The following G2E3 variants were observed in gnomAD, a reference collection of about 807,000 sequenced individuals.
G2E3 encodes G2/M phase-specific E3 ubiquitin-protein ligase.
In G2E3, 35 loss-of-function variants were observed where a neutral mutation model predicts 92.8. The ratio of observed to expected loss-of-function variants is 0.38; its 90% CI spans 0.29 to 0.50. The LOEUF is 0.50. G2E3 is among the 20% of genes least tolerant of loss of function. The pLI is 0.94. For synonymous variants in G2E3, 242 were observed against 272.4 expected (o/e 0.89, Z 1.10); for missense variants, 554 against 823.8 (o/e 0.67, Z 4.01).
intron 1 of G2E3, among the ~76,000 whole-genome samples, chr14:30,575,593 T>C (rs780750823): frequency 4.6e-5 from 7 of 152,176 alleles, no homozygotes; most frequent in Non-Finnish European, 7.4e-5. Context: ...TCTTTGCAGA[T>C]TACATGATTC....
chr14:30,560,538 A>T, intron 1 of G2E3: 1 of 455,716 alleles, frequency 2.2e-6, no homozygotes, highest in East Asian at 3.4e-5. Context: ...TTTTTCATAT[A>T]GTGTCTTTGT....
intron 7 of G2E3, among the ~76,000 whole-genome samples, 161 bp downstream of exon 7, chr14:30,597,687 G>A (rs879938244): frequency 6.6e-6 from 1 of 152,190 alleles, no homozygotes; most frequent in Admixed American, 6.5e-5. Flanking sequence ...GCCAGTTCTT[G>A]GAAAGCAGGG....
chr14:30,585,189 T>G (rs936727733), intron 2 of G2E3, among the ~76,000 whole-genome samples: 1 of 152,116 alleles, frequency 6.6e-6, no homozygotes, highest in African/African-American at 2.4e-5. Flanking sequence ...CAATTATCAT[T>G]TTTTTCTTTT....
chr14:30,562,679 C>T (rs983691899), intron 1 of G2E3, among the ~76,000 whole-genome samples: 9 of 152,050 alleles, frequency 5.9e-5, no homozygotes, highest in Non-Finnish European at 8.8e-5. Context: ...CAGGCCCACC[C>T]GCAGTTACCT....
At chr14:30,606,601 G>A (rs535942524) in intron 11 of G2E3, among the ~76,000 whole-genome samples, 5 of 152,188 alleles carry the variant, frequency 3.3e-5, no homozygotes, top group Admixed American at 6.5e-5. Flanking sequence ...TGGAGAGTAC[G>A]TGAATTTAAA....
chr14:30,577,391 A>G (rs1880176092), intron 1 of G2E3, among the ~76,000 whole-genome samples: 1 of 152,156 alleles, frequency 6.6e-6, no homozygotes, highest in African/African-American at 2.4e-5. Context: ...CTGGTTTTAA[A>G]CAATAAACAT....
chr14:30,614,968 CTT>C (rs1218041885), intron 13 of G2E3, among the ~76,000 whole-genome samples: 1 of 152,042 alleles, frequency 6.6e-6, no homozygotes, highest in Admixed American at 6.5e-5. Context: ...ATTTATCACT[CTT>C]GGTAATATCT....
intron 2 of G2E3, among the ~76,000 whole-genome samples, chr14:30,584,620 G>C (rs1404601947): frequency 6.6e-6 from 1 of 152,050 alleles, no homozygotes; most frequent in Non-Finnish European, 1.5e-5. Context: ...ACATTTCTCT[G>C]TTGACTGCTG....
At chr14:30,581,418 G>A (rs988434262) in intron 2 of G2E3, among the ~76,000 whole-genome samples, 3 of 152,122 alleles carry the variant, frequency 2.0e-5, no homozygotes, top group African/African-American at 7.2e-5. Flanking sequence ...ACAGGAAAAG[G>A]AAAACTGGCC....
rs1221839076 is a variant in G2E3 at position 30,563,088 on chromosome 14, ATC to A, written c.-5+3821_-5+3822del. On this transcript the variant is annotated intron_variant, in intron 1 of 14. Coordinates refer to ENST00000206595, the MANE Select transcript of G2E3 (RefSeq NM_017769.5). ...TTTGTCTTGTGTCTTTATTTCTACAATCTCTCGTCTCCGCACACGGGGAGAAA... is the reference window on the plus strand; with the variant it reads ...TTTGTCTTGTGTCTTTATTTCTACAATCTCGTCTCCGCACACGGGGAGAAA... 4.1e-5 allele frequency among the ~76,000 whole-genome samples: 6 copies of A among 147,716 alleles called. No homozygotes were observed. The East Asian group carries it at 1.2e-3, about 29-fold the overall frequency.
chr14:30,577,980 C>G (rs558893207), intron 1 of G2E3: 1 of 152,172 alleles, frequency 6.6e-6, no homozygotes, highest in East Asian at 1.9e-4. Context: ...TGTTATTGAA[C>G]TATACACTTA....
Position 30,612,265 on chromosome 14 carries a change from A to G in G2E3, c.1559A>G (p.Tyr520Cys). ...TCAATAATAAATGAATGCTATAACT[A>G]CCTTGAGTTAATTGGATGTCTCAGA... ...LKSIINECYNYLELIGCLRLI... is the reference protein window; with the variant it reads ...LKSIINECYNCLELIGCLRLI... The change falls in exon 13 of 15, where the codon TAC (tyrosine) becomes TGC (cysteine). Residue 520 changes from tyrosine (Y) to cysteine (C), a missense_variant. Tyr to Cys is a radical substitution (Grantham distance 194). Around this residue, in one of 3 missense-constraint regions of G2E3, gnomAD observed 397 missense variants for 560.3 expected, o/e 0.71. Coordinates refer to ENST00000206595, the MANE Select transcript of G2E3 (RefSeq NM_017769.5). 4 of 1,607,316 alleles carry G rather than the reference A, an allele frequency of 2.5e-6. No homozygotes were observed. The highest frequency in any genetic ancestry group is 3.4e-6 in the Non-Finnish European group (4 of 1,174,204).
chr14:30,572,174 A>G (rs1206779826), intron 1 of G2E3, among the ~76,000 whole-genome samples: 1 of 152,122 alleles, frequency 6.6e-6, no homozygotes, highest in African/African-American at 2.4e-5. Flanking sequence ...TCTTGCTGTT[A>G]TACAGATTTG....
chr14:30,560,626 A>C, intron 1 of G2E3: 1 of 563,260 alleles, frequency 1.8e-6, no homozygotes, highest in South Asian at 2.4e-5. Flanking sequence ...AATTTTTAAA[A>C]ATTGATCGCT....
chr14:30,597,258 C>T (rs1881335232), intron 6 of G2E3, among the ~76,000 whole-genome samples, 162 bp from the exon 7 acceptor site: 1 of 151,978 alleles, frequency 6.6e-6, no homozygotes, highest in Non-Finnish European at 1.5e-5. Flanking sequence ...TAGATTTTAG[C>T]AGTGGGATAA....
At chr14:30,575,209 C>CG (rs1286670322) in intron 1 of G2E3, among the ~76,000 whole-genome samples, 1 of 151,820 alleles carries the variant, frequency 6.6e-6, no homozygotes, top group African/African-American at 2.4e-5. Flanking sequence ...GCCTGTTGGT[C>CG]GCGTATATGT....
At chr14:30,589,528 C>T (rs746520611) in intron 4 of G2E3, 44 bp downstream of exon 4, 4 of 979,760 alleles carry the variant, frequency 4.1e-6, no homozygotes, top group Non-Finnish European at 6.4e-6. Flanking sequence ...TAAATATTGT[C>T]AATACTTGGG....
intron 11 of G2E3, among the ~76,000 whole-genome samples, chr14:30,606,631 G>A (rs1566549604): frequency 6.6e-6 from 1 of 152,102 alleles, no homozygotes; most frequent in Non-Finnish European, 1.5e-5. Context: ...CTGAATTCAA[G>A]TTTGTACACA....
chr14:30,603,025 C>A (rs1359281457), intron 10 of G2E3: 1 of 152,300 alleles, frequency 6.6e-6, no homozygotes, highest in African/African-American at 2.4e-5. Context: ...AAATTAATTT[C>A]TGTTCCCATG....
Sources: allele counts gnomAD v4.1 joint callset (sites outside exome capture counted in the v4.1 genomes callset), GRCh38; gene constraint gnomAD v4.1.1; regional missense constraint gnomAD v4.1.1; transcripts MANE v1.5; gene names NCBI Gene and HGNC (gene_info 2026-07-23, HGNC 2026-07-21).